The following PRH1 variants were observed in gnomAD, a reference collection of about 807,000 sequenced individuals.
PRH1 encodes the protein salivary acidic proline-rich phosphoprotein 1/2.
In PRH1, 7 loss-of-function variants were observed where a neutral mutation model predicts 7.9. The ratio of observed to expected loss-of-function variants is 0.89; its 90% CI spans 0.50 to 1.67. The LOEUF (loss-of-function observed/expected upper bound fraction) is 1.67, where lower values mean the gene tolerates loss of function less well. PRH1 is among the 40% of genes most tolerant of loss of function. The pLI is 0.00. For synonymous variants in PRH1, 45 were observed against 80.8 expected (o/e 0.56, Z 2.38); for missense variants, 109 against 223.6 (o/e 0.49, Z 3.27).
At chr12:11,170,598 C>T (rs1398451889) in intron 1 of PRH1, among the ~76,000 whole-genome samples, 1 of 152,228 alleles carries the variant, frequency 6.6e-6, no homozygotes, top group East Asian at 1.9e-4. Context: ...TATTCCAGCT[C>T]TTGGAGCCTA....
At chr12:11,068,594 AT>A (rs1943923058) in intron 1 of PRH1, among the ~76,000 whole-genome samples, 1 of 152,218 alleles carries the variant, frequency 6.6e-6, no homozygotes, top group Non-Finnish European at 1.5e-5. Flanking sequence ...TACACAAAAA[AT>A]AACTCATATT....
At chr12:10,951,800 T>C (rs868276576) in intron 2 of PRH1, among the ~76,000 whole-genome samples, 6 of 152,346 alleles carry the variant, frequency 3.9e-5, no homozygotes, top group African/African-American at 1.4e-4. Flanking sequence ...TATTTGGATA[T>C]TTTTCTTTCA....
chr12:10,900,134 C>A (rs9668593), intron 2 of PRH1, among the ~76,000 whole-genome samples: 74,651 of 151,960 alleles, frequency 0.49, 20,773 homozygotes, highest in East Asian at 0.72. Context: ...GGCAAACAGC[C>A]CCCATGATGG....
chr12:11,129,007 G>T (rs1946235418), intron 1 of PRH1, among the ~76,000 whole-genome samples: 1 of 152,084 alleles, frequency 6.6e-6, no homozygotes, highest in African/African-American at 2.4e-5. Flanking sequence ...ACTGCAGCCT[G>T]GAACTCCTGG....
intron 1 of PRH1, among the ~76,000 whole-genome samples, chr12:11,056,282 G>A (rs74737786): frequency 0.069 from 7,397 of 106,636 alleles, no homozygotes; most frequent in Non-Finnish European, 0.095. Context: ...ACACTTCTCT[G>A]TGTATGAATA....
At chr12:11,119,357 G>C (rs1039495227), downstream of PRH1, among the ~76,000 whole-genome samples, 1 of 151,392 alleles carries the variant, frequency 6.6e-6, no homozygotes, top group African/African-American at 2.4e-5. Flanking sequence ...CCTACTATTT[G>C]ATACCACAGC....
At chr12:11,024,723 T>C (rs74062422) in intron 1 of PRH1, among the ~76,000 whole-genome samples, 5,327 of 113,832 alleles carry the variant, frequency 0.047, 304 homozygotes, top group African/African-American at 0.14. Context: ...TTTTTGAGCT[T>C]TTATGAATAA....
At chr12:11,165,427 C>T (rs1179220299) in intron 1 of PRH1, among the ~76,000 whole-genome samples, 4 of 152,312 alleles carry the variant, frequency 2.6e-5, no homozygotes, top group East Asian at 3.9e-4. Context: ...AGGAATCTTT[C>T]ACCTCCAATA....
chr12:11,047,097 C>G (rs771899101), exon 1 of PRH1: 7 of 477,942 alleles, frequency 1.5e-5, no homozygotes, highest in Non-Finnish European at 2.6e-5. Context: ...TGTTCTGTCA[C>G]AGAACTGACA....
chr12:11,111,529 G>A (rs948125499), intron 1 of PRH1, among the ~76,000 whole-genome samples: 12 of 152,162 alleles, frequency 7.9e-5, no homozygotes, highest in African/African-American at 2.2e-4. Context: ...CATGGAAACT[G>A]AACAACTTGC....
At chr12:10,926,419 C>T (rs1294691649) in intron 2 of PRH1, among the ~76,000 whole-genome samples, 6 of 152,014 alleles carry the variant, frequency 3.9e-5, no homozygotes, top group Non-Finnish European at 4.4e-5. Flanking sequence ...AGAGAGCTTC[C>T]GGGTCTTCAA....
At chr12:10,901,118 C>A (rs1330895079) in intron 2 of PRH1, among the ~76,000 whole-genome samples, 3 of 152,216 alleles carry the variant, frequency 2.0e-5, no homozygotes, top group Admixed American at 1.3e-4. Flanking sequence ...TGCTGCCTCA[C>A]CCTTCCCGTT....
chr12:11,133,173 T>A, intron 1 of PRH1: 1 of 1,319,758 alleles, frequency 7.6e-7, no homozygotes, highest in South Asian at 1.7e-5. Flanking sequence ...CTAGACTAAC[T>A]TTAGGTAAAA....
intron 1 of PRH1, among the ~76,000 whole-genome samples, chr12:11,068,335 T>C (rs1380019902): frequency 1.3e-5 from 2 of 152,224 alleles, no homozygotes; most frequent in Admixed American, 6.5e-5. Flanking sequence ...AATGAGATTA[T>C]ACTGAATGTA....
intron 1 of PRH1, among the ~76,000 whole-genome samples, chr12:11,070,830 T>C (rs1406469388): frequency 2.0e-5 from 2 of 102,262 alleles, no homozygotes; most frequent in Admixed American, 1.0e-4. Context: ...GTTTTCTGTG[T>C]TATTTGCGTT....
At chr12:11,118,633 T>A (rs151223485), downstream of PRH1, among the ~76,000 whole-genome samples, 2,027 of 152,268 alleles carry the variant, frequency 0.013, 18 homozygotes, top group Middle Eastern at 0.031. Context: ...ATGTTTGTTG[T>A]AGCACTGTTC....
chr12:11,108,816 AGAAC>A lies in PRH1; in HGVS notation n.124-61632_124-61629del, dbSNP rs1490064355. ...GTGGTGCCTGGAATGCCAGCAAGACAGAACCATTCAGTCCCCTGGAAAGGGGGCT... is the reference window on the plus strand; with the variant it reads ...GTGGTGCCTGGAATGCCAGCAAGACACATTCAGTCCCCTGGAAAGGGGGCT... On this transcript the variant is annotated intron_variant and non_coding_transcript_variant, in intron 1 of 4. Coordinates refer to the PRH1 transcript ENST00000541977. Among the ~76,000 whole-genome samples, 6 of 152,204 alleles carry A rather than the reference AGAAC, an allele frequency of 3.9e-5. No homozygotes were observed. The East Asian group carries it at 1.2e-3, about 29-fold the overall frequency.
chr12:10,909,228 T>G, intron 2 of PRH1: 1 of 1,613,760 alleles, frequency 6.2e-7, no homozygotes, highest in Non-Finnish European at 8.5e-7. Context: ...TATAAATCCA[T>G]TGCTCAAATT....
At chr12:10,948,699 G>T (rs1238303576) in intron 2 of PRH1, among the ~76,000 whole-genome samples, 8 of 152,090 alleles carry the variant, frequency 5.3e-5, no homozygotes, top group Non-Finnish European at 1.2e-4. Flanking sequence ...TGATATTCTG[G>T]CCATTTGAGT....
Sources: gnomAD v4.1 joint callset for allele counts (sites outside exome capture counted in the v4.1 genomes callset) on GRCh38, gnomAD v4.1.1 for gene constraint, MANE v1.5 for transcripts, NCBI Gene and HGNC (gene_info 2026-07-23, HGNC 2026-07-21) for gene names.